The following DYSF variants were observed in gnomAD, a reference collection of about 807,000 sequenced individuals.
DYSF encodes dystrophy-associated fer-1-like 1.
A neutral mutation model predicts 274.9 loss-of-function variants in DYSF; 212 were observed. That is an observed-to-expected ratio of 0.77 (90% confidence interval 0.69 to 0.86). DYSF has a LOEUF of 0.86. Among genes scored for constraint, DYSF ranks in the 40% least tolerant of loss-of-function variants. DYSF has a pLI of 0.00. For missense variants in DYSF, 2,666 were observed against 2,783.2 expected, an observed-to-expected ratio of 0.96 and a Z score of 0.95; for synonymous variants, 1,091 against 1,078.7, an observed-to-expected ratio of 1.01 and a Z score of -0.22.
chr2:71,579,775 A>G (rs150407186), intron 30 of DYSF, among the ~76,000 whole-genome samples: 23 of 152,296 alleles, frequency 1.5e-4, no homozygotes, highest in African/African-American at 5.5e-4. Flanking sequence ...TGATTCCCCA[A>G]TCAGACAGGC....
rs547211970 is a variant in DYSF, at chr2:71,653,602, T to C, written c.4627-2560T>C. Among the ~76,000 whole-genome samples the C allele has an allele frequency of 1.9e-4, 26 of 139,330 alleles. No individual in the cohort carries two copies. The East Asian group carries it at 3.5e-3, about 19-fold the overall frequency. The allele number at this position is 139,330 out of a possible 152,430, so 91.4% of individuals were successfully genotyped here. A position where few individuals can be genotyped will look rare whatever the true frequency, so the allele number is the denominator to read the frequency against. On this transcript the variant is annotated intron_variant, in intron 42 of 55. Coordinates refer to ENST00000410020, the MANE Select transcript of DYSF (RefSeq NM_001130987.2). Reference sequence around the variant, plus strand: ...GCATGTTCTCACTCATAGGTGGGAATTGAACAATGAGATCACATGGACACA... The same window carrying C: ...GCATGTTCTCACTCATAGGTGGGAACTGAACAATGAGATCACATGGACACA...
At chr2:71,512,969 G>A (rs1185370253) in intron 5 of DYSF, among the ~76,000 whole-genome samples, 3 of 152,140 alleles carry the variant, frequency 2.0e-5, no homozygotes, top group African/African-American at 7.2e-5. Flanking sequence ...GTGGCAGAGG[G>A]TGGGGAGCAG....
At chr2:71,480,363 C>T (rs899600813) in intron 1 of DYSF, among the ~76,000 whole-genome samples, 31 of 141,982 alleles carry the variant, frequency 2.2e-4, no homozygotes, top group African/African-American at 7.2e-4. Flanking sequence ...GTGAGGCCCC[C>T]GTCTACACAC....
chr2:71,515,584 TC>T, intron 7 of DYSF, 38 bp from the exon 8 acceptor site: 2 of 1,613,806 alleles, frequency 1.2e-6, no homozygotes, highest in Non-Finnish European at 8.5e-7. Context: ...CCTTAACTCT[TC>T]CCCCTTCCTC....
intron 16 of DYSF, among the ~76,000 whole-genome samples, chr2:71,536,647 G>A (rs1219674050): frequency 6.6e-6 from 1 of 152,218 alleles, no homozygotes; most frequent in African/African-American, 2.4e-5. Context: ...AAAGGCATCG[G>A]CGTACTGTAC....
At chr2:71,526,421 C>CTGGGGTGGGGGGGGG in intron 13 of DYSF, 75 bp downstream of exon 13, 2 of 272,070 alleles carry the variant, frequency 7.4e-6, no homozygotes, top group South Asian at 3.4e-5. Flanking sequence ...TGGGCGATGG[C>CTGGGGTGGGGGGGGG]GGGCGGGGTC....
intron 55 of DYSF, among the ~76,000 whole-genome samples, chr2:71,683,328 C>T (rs1031707457): frequency 1.5e-4 from 23 of 152,100 alleles, no homozygotes; most frequent in Admixed American, 9.8e-4. Context: ...AGGTGGCTGT[C>T]GTGCCCTTGC....
intron 41 of DYSF, among the ~76,000 whole-genome samples, chr2:71,642,203 G>C (rs1209629089): frequency 3.9e-5 from 6 of 152,172 alleles, no homozygotes; most frequent in Admixed American, 2.6e-4. Flanking sequence ...TTTGGGCTGG[G>C]AAAGAAAAAT....
exon 1 of DYSF, chr2:71,453,933 C>T (rs1303555589): frequency 2.6e-6 from 4 of 1,534,508 alleles, no homozygotes; most frequent in Middle Eastern, 1.7e-4. Flanking sequence ...AGCGGCGCCT[C>T]GGCCCTCCCG....
chr2:71,663,385 G>C (rs1006828492), intron 45 of DYSF, among the ~76,000 whole-genome samples: 1 of 152,186 alleles, frequency 6.6e-6, no homozygotes, highest in Non-Finnish European at 1.5e-5. Flanking sequence ...ACAATCTCTC[G>C]CTGCTACAAC....
intron 16 of DYSF, among the ~76,000 whole-genome samples, chr2:71,537,049 C>T (rs961965654): frequency 6.6e-6 from 1 of 152,070 alleles, no homozygotes; most frequent in Non-Finnish European, 1.5e-5. Flanking sequence ...ACTCTCCTTC[C>T]CTCCTCTCCC....
intron 52 of DYSF, 143 bp from the exon 53 acceptor site, chr2:71,678,914 T>G: frequency 1.4e-6 from 1 of 736,140 alleles, no homozygotes; most frequent in Non-Finnish European, 2.4e-6. Flanking sequence ...GGAGAGTTCG[T>G]GAGATTTTAC....
chr2:71,654,369 A>G (rs990793162), intron 42 of DYSF, among the ~76,000 whole-genome samples: 9 of 152,230 alleles, frequency 5.9e-5, no homozygotes, highest in Non-Finnish European at 1.0e-4. Context: ...TAAAATGTGC[A>G]TACTCCTTGT....
intron 43 of DYSF, 135 bp from the exon 44 acceptor site, chr2:71,658,743 A>T: frequency 9.8e-7 from 1 of 1,016,816 alleles, no homozygotes; most frequent in Non-Finnish European, 1.5e-6. Flanking sequence ...TGATTCAATT[A>T]TCTCCTCCTG....
chr2:71,542,978 G>C (rs113068857), intron 17 of DYSF, among the ~76,000 whole-genome samples: 1 of 150,800 alleles, frequency 6.6e-6, no homozygotes, highest in African/African-American at 2.4e-5. Context: ...CCTCCCGGAC[G>C]GGGCAGCTGG....
chr2:71,457,234 T>C (rs1010157735), intron 1 of DYSF, among the ~76,000 whole-genome samples: 1 of 152,220 alleles, frequency 6.6e-6, no homozygotes, highest in Non-Finnish European at 1.5e-5. Flanking sequence ...ACCAGGTCCT[T>C]ATATGTAGAC....
chr2:71,667,084 CAG>C, intron 47 of DYSF, among the ~76,000 whole-genome samples: 1 of 152,136 alleles, frequency 6.6e-6, no homozygotes, highest in African/African-American at 2.4e-5. Flanking sequence ...GCTTTGGAGA[CAG>C]GAGGATTTGT....
In DYSF at chr2:71,589,622, T is replaced by C; in HGVS notation, c.3432T>C (p.Asp1144=). The C allele has an allele frequency of 6.2e-7, 1 of 1,613,988 alleles. No homozygotes were observed. The highest frequency in any genetic ancestry group is 8.5e-7 in the Non-Finnish European group (1 of 1,179,974). Reference sequence around the variant, plus strand: ...GCGTGATGGATGACAAGAGTGAAGATTCCATGTCCGTCTCCACCTTGAGCT... The same window carrying C: ...GCGTGATGGATGACAAGAGTGAAGACTCCATGTCCGTCTCCACCTTGAGCT... ...LGGVMDDKSE[D]SMSVSTLSFG... Residue 1144 remains aspartate, a synonymous_variant, in exon 31 of 56, where the codon GAT becomes GAC. Coordinates refer to ENST00000410020, the MANE Select transcript of DYSF (RefSeq NM_001130987.2).
At chr2:71,491,124 A>G (rs952133985) in intron 3 of DYSF, among the ~76,000 whole-genome samples, 5 of 152,236 alleles carry the variant, frequency 3.3e-5, no homozygotes, top group African/African-American at 1.2e-4. Context: ...GGACCAAAAA[A>G]AGTTGTAATT....
Sources: gnomAD v4.1 joint callset for allele counts (sites outside exome capture counted in the v4.1 genomes callset) on GRCh38, gnomAD v4.1.1 for gene constraint, MANE v1.5 for transcripts, NCBI Gene and HGNC (gene_info 2026-07-23, HGNC 2026-07-21) for gene names.